Variants in MID1IP1 observed in about 807,000 individuals in gnomAD.
The protein encoded by MID1IP1 is mid1-interacting protein 1.
Under a neutral mutation model 6.8 loss-of-function variants are expected in MID1IP1, and 3 were observed. That is an observed-to-expected ratio of 0.44 (90% CI 0.20 to 1.14). The LOEUF is 1.14. MID1IP1 is among the 50% of genes most tolerant of loss of function. The probability of loss-of-function intolerance (pLI) is 0.26; values close to 1 mark genes in which losing one functional copy is unlikely to be tolerated. For synonymous variants in MID1IP1, 87 were observed against 70.4 expected (o/e 1.24, Z -1.18); for missense variants, 127 against 158.4 (o/e 0.80, Z 1.06).
At chrX:38,802,235 C>G (rs2070462462) in intron 1 of MID1IP1, among the ~76,000 whole-genome samples, 1 of 112,442 alleles carries the variant, frequency 8.9e-6, no homozygotes. Context: ...TGGCACGGCC[C>G]ATGGAACAAG....
Position 38,804,925 on chromosome X carries a change from C to T in MID1IP1, c.-22C>T. The T allele has an allele frequency of 8.6e-7, 1 of 1,160,464 alleles. No homozygotes were observed. On this transcript the variant is annotated 5_prime_UTR_variant, in exon 3 of 3. Transcript: ENST00000614558. ...ATCCCCGTGCCCCTGCGTCCCTGCG[C>T]TCCAACGTCCGCGCGGCCACCATGA...
At position 38,805,172 on chromosome X, in the gene MID1IP1, G is replaced by T. The variant is rs762572190; in HGVS notation, c.226G>T (p.Ala76Ser). ...RTPPVPDSGS[A>S]NGSFFAPSRD... Reference sequence around the variant, plus strand: ...GCCCCCAGTCCCCGACTCGGGAAGCGCCAATGGCAGCTTTTTCGCGCCCTC... The same window carrying T: ...GCCCCCAGTCCCCGACTCGGGAAGCTCCAATGGCAGCTTTTTCGCGCCCTC... Residue 76 changes from alanine to serine, a missense_variant, in exon 3 of 3, where the codon GCC becomes TCC. Transcript: ENST00000614558. The T allele has an allele frequency of 8.3e-7, 1 of 1,210,368 alleles. No individual in the cohort carries two copies. The highest frequency in any genetic ancestry group is 3.0e-5 in the East Asian group (1 of 33,750).
intron 1 of MID1IP1, chrX:38,801,815 C>T (rs1433878703): frequency 1.8e-5 from 2 of 111,285 alleles, no homozygotes; most frequent in Non-Finnish European, 3.8e-5. Context: ...GAAAAAGAGG[C>T]AAGATTTTGG....
At chrX:38,801,813 G>A (rs1385927615) in intron 1 of MID1IP1, 1 of 111,536 alleles carries the variant, frequency 9.0e-6, no homozygotes. Flanking sequence ...GAGAAAAAGA[G>A]GCAAGATTTT....
intron 1 of MID1IP1, 76 bp from the exon 2 acceptor site, chrX:38,802,447 ATACGTTTTGGGG>A (rs1283931919): frequency 8.9e-6 from 1 of 112,352 alleles, no homozygotes; most frequent in Non-Finnish European, 1.9e-5. Flanking sequence ...TGTAGAGCTA[ATACGTTTTGGGG>A]TAGTGGGTCC....
chrX:38,802,258 G>T (rs1286573822), intron 1 of MID1IP1, among the ~76,000 whole-genome samples: 2 of 112,383 alleles, frequency 1.8e-5, no homozygotes, highest in Non-Finnish European at 3.8e-5. Context: ...CCATTTTTTT[G>T]ATAAAGAAAC....
rs1189504043 is a variant in MID1IP1 at position 38,805,658 on chromosome X, A to AG, written c.*165dup. 1 of 472,302 alleles carries AG rather than the reference A, an allele frequency of 2.1e-6. No individual in the cohort carries two copies. The highest frequency in any genetic ancestry group is 2.9e-5 in the African/African-American group (1 of 35,074). The allele number at this position is 472,302 out of a possible 1,213,427, so 38.9% of individuals were successfully genotyped here. A position where few individuals can be genotyped will look rare whatever the true frequency, so the allele number is the denominator to read the frequency against. Reference sequence around the variant, plus strand: ...GAGGCGCGGTGGGGCTGCGTGGAGGAGGGGGCCACGTGTGAGAGAGAAGAA... The same window carrying AG: ...GAGGCGCGGTGGGGCTGCGTGGAGGAGGGGGGCCACGTGTGAGAGAGAAGAA... On this transcript the variant is annotated 3_prime_UTR_variant, in exon 3 of 3. Transcript: ENST00000614558.
In MID1IP1 at chrX:38,806,275, A is replaced by G. The variant is rs890124471; in HGVS notation, c.*777A>G. On this transcript the variant is annotated 3_prime_UTR_variant, in exon 3 of 3. Transcript: ENST00000614558. ...GCCACTCAGTGAAAATAATAACATTATTATGAGAAAGTGGACTTAACCGAA... is the reference window on the plus strand; with the variant it reads ...GCCACTCAGTGAAAATAATAACATTGTTATGAGAAAGTGGACTTAACCGAA... The G allele has an allele frequency of 2.6e-5, 3 of 117,010 alleles. No homozygotes were observed. 9.6% of individuals were successfully genotyped at this position (117,010 alleles called of 1,213,427 possible).
At position 38,805,581 on chromosome X, in the gene MID1IP1, G is replaced by C; in HGVS notation, c.*83G>C. ...CCTCAAAGCTTTTTTTTTTTTTCCT[G>C]GCTGGGGGGCGGGAAGGGCAGACTG... On this transcript the variant is annotated 3_prime_UTR_variant, in exon 3 of 3. Coordinates refer to ENST00000614558, the MANE Select transcript of MID1IP1 (RefSeq NM_021242.6). The C allele has an allele frequency of 1.1e-6, 1 of 934,688 alleles. No homozygotes were observed. The highest frequency in any genetic ancestry group is 1.5e-6 in the Non-Finnish European group (1 of 681,913). 77.0% of individuals were successfully genotyped at this position (934,688 alleles called of 1,213,427 possible). A position where few individuals can be genotyped will look rare whatever the true frequency, so the allele number is the denominator to read the frequency against.
At position 38,803,758 on chromosome X, in the gene MID1IP1, G is replaced by A. The variant is rs1474342861; in HGVS notation, c.-920G>A. 5 of 112,698 alleles carry A rather than the reference G, an allele frequency of 4.4e-5. No homozygotes were observed. Among genetic ancestry groups the A allele is most frequent in the African/African-American group, 1.6e-4 (5 of 31,003 alleles). The allele number at this position is 112,698 out of a possible 1,213,427, so 9.3% of individuals were successfully genotyped here. A position where few individuals can be genotyped will look rare whatever the true frequency, so the allele number is the denominator to read the frequency against. ...CTGCTGCCGGCCCCTCTTCCCCGAC[G>A]GCTAATAATAAACCCGGGTTCCTGT... On this transcript the variant is annotated 5_prime_UTR_variant, in exon 2 of 3. Coordinates refer to ENST00000614558, the MANE Select transcript of MID1IP1 (RefSeq NM_021242.6).
At position 38,805,794 on chromosome X, in the gene MID1IP1, C is replaced by G. The variant is rs926751645; in HGVS notation, c.*296C>G. On this transcript the variant is annotated 3_prime_UTR_variant, in exon 3 of 3. Transcript: ENST00000614558. ...GCCCTGCATTCAGCCTGTGCCTTTC[C>G]TGGGGTTTCTTTTCTGTTCTTTTCG... is the stretch of plus-strand genomic sequence containing the variant. The G allele has an allele frequency of 3.2e-5, 11 of 338,875 alleles. No individual in the cohort carries two copies. The highest frequency in any genetic ancestry group is 3.0e-4 in the African/African-American group (11 of 37,261). The allele number at this position is 338,875 out of a possible 1,213,427, so 27.9% of individuals were successfully genotyped here.
chrX:38,801,508 G>C (rs1259747319), intron 1 of MID1IP1, 21 bp downstream of exon 1: 1 of 111,819 alleles, frequency 8.9e-6, no homozygotes, highest in Non-Finnish European at 1.9e-5. Context: ...GCGGGGTCTG[G>C]GGGAGCTGGG....
Position 38,805,127 on chromosome X carries a change from G to A in MID1IP1, c.181G>A (p.Gly61Ser), listed in dbSNP as rs1483545653. 5.8e-6 allele frequency: 7 copies of A among 1,207,068 alleles called. No homozygotes were observed. In the African/African-American group the frequency reaches 8.7e-5, roughly 15 times the overall value. Residue 61 changes from glycine to serine, a missense_variant, in exon 3 of 3, where the codon GGC (glycine) becomes AGC (serine). Transcript: ENST00000614558. ...TGGCGTGGAGGTAGGCGGCAGTGGC[G>A]GCTGCCTGGAGGAGCGCACGCCCCC... ...DVGVEVGGSG[G>S]CLEERTPPVP...
chrX:38,802,281 A>G (rs1017353766), intron 1 of MID1IP1, among the ~76,000 whole-genome samples: 1 of 112,753 alleles, frequency 8.9e-6, no homozygotes, highest in African/African-American at 3.2e-5. Context: ...AGGCTAGAAA[A>G]GTTTCTATGT....
chrX:38,805,230 A>G lies in MID1IP1; in HGVS notation c.284A>G (p.Lys95Arg). 8.3e-7 allele frequency: 1 copy of G among 1,204,157 alleles called. No individual in the cohort carries two copies. Among genetic ancestry groups the G allele is most frequent in the Non-Finnish European group, 1.1e-6 (1 of 890,927 alleles). The change falls in exon 3 of 3, where the codon AAG becomes AGG. Residue 95 changes from lysine to arginine, a missense_variant. Coordinates refer to ENST00000614558, the MANE Select transcript of MID1IP1 (RefSeq NM_021242.6). ...ATGTACAGCCACTACGTGCTTCTCA[A>G]GTCCATCCGCAACGACATCGAGTGG... ...RDMYSHYVLL[K>R]SIRNDIEWGV...
rs2070483117 is a variant in MID1IP1, at chrX:38,803,914, C to A, written c.-764C>A. ...AGCCCCCACATGCCAGCCCCACCCT[C>A]CAGTCGGTCCGGACGCCGACGCCTT... On this transcript the variant is annotated 5_prime_UTR_variant, in exon 2 of 3. Coordinates refer to ENST00000614558, the MANE Select transcript of MID1IP1 (RefSeq NM_021242.6). 1 of 113,601 alleles carries A rather than the reference C, an allele frequency of 8.8e-6. No individual in the cohort carries two copies. Among genetic ancestry groups the A allele is most frequent in the African/African-American group, 3.2e-5 (1 of 31,249 alleles). 9.4% of individuals were successfully genotyped at this position (113,601 alleles called of 1,213,427 possible). A position where few individuals can be genotyped will look rare whatever the true frequency, so the allele number is the denominator to read the frequency against.
In MID1IP1 at chrX:38,805,586, G is replaced by T. The variant is rs1364993142; in HGVS notation, c.*88G>T. 2.0e-5 allele frequency: 19 copies of T among 938,437 alleles called. No homozygotes were observed. The Admixed American group carries it at 2.1e-4, about 10-fold the overall frequency. 77.3% of individuals were successfully genotyped at this position (938,437 alleles called of 1,213,427 possible). A position where few individuals can be genotyped will look rare whatever the true frequency, so the allele number is the denominator to read the frequency against. Reference sequence around the variant, plus strand: ...AAGCTTTTTTTTTTTTTCCTGGCTGGGGGGCGGGAAGGGCAGACTGCAAAC... The same window carrying T: ...AAGCTTTTTTTTTTTTTCCTGGCTGTGGGGCGGGAAGGGCAGACTGCAAAC... On this transcript the variant is annotated 3_prime_UTR_variant, in exon 3 of 3. Transcript: ENST00000614558.
intron 1 of MID1IP1, 76 bp from the exon 2 acceptor site, chrX:38,802,459 G>A (rs948527872): frequency 5.3e-5 from 6 of 112,429 alleles, no homozygotes; most frequent in Non-Finnish European, 9.4e-5. Flanking sequence ...ACGTTTTGGG[G>A]TAGTGGGTCC....
chrX:38,802,507 T>C (rs2070465628), intron 1 of MID1IP1, 28 bp from the exon 2 acceptor site: 1 of 112,063 alleles, frequency 8.9e-6, no homozygotes. Flanking sequence ...ACTGACTTTG[T>C]TTTGTTTTGT....
Sources: allele counts gnomAD v4.1 joint callset (sites outside exome capture counted in the v4.1 genomes callset), GRCh38; gene constraint gnomAD v4.1.1; transcripts MANE v1.5; gene names NCBI Gene and HGNC (gene_info 2026-07-23, HGNC 2026-07-21).